Variants in NXNL2 observed in about 807,000 individuals in gnomAD.
The protein encoded by NXNL2 is nucleoredoxin-like protein 2.
Under a neutral mutation model 11.1 loss-of-function variants are expected in NXNL2, and 7 were observed. The ratio of observed to expected loss-of-function variants is 0.63; its 90% CI spans 0.36 to 1.18. The LOEUF is 1.18. Among genes scored for constraint, NXNL2 ranks in the 50% most tolerant of loss-of-function variants. The pLI is 0.02. For synonymous variants in NXNL2, 109 were observed against 101.8 expected (o/e 1.07, Z -0.42); for missense variants, 233 against 217.7 (o/e 1.07, Z -0.44).
At chr9:88,564,325 C>CT (rs79688283) in intron 1 of NXNL2, among the ~76,000 whole-genome samples, 34 of 147,042 alleles carry the variant, frequency 2.3e-4, no homozygotes, top group Admixed American at 1.0e-3. Context: ...ATCTATCTAT[C>CT]GTCTATTTAT....
intron 1 of NXNL2, among the ~76,000 whole-genome samples, chr9:88,537,015 G>A (rs1420192006): frequency 6.6e-6 from 1 of 152,242 alleles, no homozygotes; most frequent in East Asian, 1.9e-4. Context: ...TTGAAAGCGA[G>A]AGACGATGGC....
downstream of NXNL2, among the ~76,000 whole-genome samples, chr9:88,580,303 G>A (rs898875526): frequency 6.6e-6 from 1 of 151,934 alleles, no homozygotes; most frequent in Non-Finnish European, 1.5e-5. Flanking sequence ...ACAGGCACCA[G>A]CCACCAGGCC....
At chr9:88,546,569 C>T (rs1051949284), downstream of NXNL2, among the ~76,000 whole-genome samples, 2 of 151,898 alleles carry the variant, frequency 1.3e-5, no homozygotes, top group African/African-American at 4.8e-5. Context: ...GCGCCTGCCA[C>T]CAAGCCCGGC....
At position 88,544,441 on chromosome 9, in the gene NXNL2, G is replaced by A. The variant is rs1439972359; in HGVS notation, c.365G>A (p.Gly122Glu). ...AAGCTTGTGATTGTGAAACAAAATG[G>A]GGAGGTCATCACCAACAAAGGGCGG... ...IPKLVIVKQN[G>E]EVITNKGRKQ... Residue 122 changes from glycine (G) to glutamate (E), a missense_variant, in exon 2 of 2, where the codon GGG (glycine) becomes GAG (glutamate). By Grantham distance (98) the Gly-to-Glu change is moderately conservative. Coordinates refer to ENST00000375854, the MANE Select transcript of NXNL2 (RefSeq NM_001161625.2). 1.5e-5 allele frequency: 24 copies of A among 1,551,718 alleles called. No individual in the cohort carries two copies. The highest frequency in any genetic ancestry group is 2.0e-5 in the Admixed American group (1 of 50,980).
At chr9:88,560,650 T>A (rs773081421) in intron 1 of NXNL2, among the ~76,000 whole-genome samples, 10 of 152,096 alleles carry the variant, frequency 6.6e-5, no homozygotes, top group Non-Finnish European at 8.8e-5. Context: ...GCATTGTAAA[T>A]CCCTGCTATT....
At chr9:88,550,856 T>C (rs570596570) in intron 1 of NXNL2, among the ~76,000 whole-genome samples, 1 of 152,258 alleles carries the variant, frequency 6.6e-6, no homozygotes, top group Non-Finnish European at 1.5e-5. Context: ...TAAGGTGTAA[T>C]CTTTAGTTTC....
intron 1 of NXNL2, among the ~76,000 whole-genome samples, chr9:88,557,282 T>C (rs1237540334): frequency 1.3e-5 from 2 of 152,120 alleles, no homozygotes; most frequent in African/African-American, 4.8e-5. Context: ...CTGAACCTTT[T>C]GATTATTTTA....
chr9:88,547,128 A>G (rs1829856403), downstream of NXNL2, among the ~76,000 whole-genome samples: 1 of 152,218 alleles, frequency 6.6e-6, no homozygotes. Context: ...CTCCCTGGTG[A>G]GCCCCGTGGG....
chr9:88,559,526 C>A (rs371477504), intron 1 of NXNL2, among the ~76,000 whole-genome samples: 1 of 152,178 alleles, frequency 6.6e-6, no homozygotes, highest in Non-Finnish European at 1.5e-5. Flanking sequence ...CTACCAAGCA[C>A]GTTCACTTGC....
intron 1 of NXNL2, among the ~76,000 whole-genome samples, chr9:88,563,815 C>T (rs1830123147): frequency 6.6e-6 from 1 of 152,128 alleles, no homozygotes; most frequent in Non-Finnish European, 1.5e-5. Flanking sequence ...TCACTCTTTC[C>T]AATTGTTCAC....
intron 1 of NXNL2, among the ~76,000 whole-genome samples, chr9:88,541,109 T>A (rs975970829): frequency 7.0e-6 from 1 of 143,156 alleles, no homozygotes; most frequent in Admixed American, 7.1e-5. Flanking sequence ...CCACACCTGG[T>A]TATTTTTTTT....
At chr9:88,572,045 C>T (rs1047671075) in intron 2 of NXNL2, among the ~76,000 whole-genome samples, 1 of 152,140 alleles carries the variant, frequency 6.6e-6, no homozygotes, top group African/African-American at 2.4e-5. Context: ...GGAGCACGTG[C>T]CCAGAGAAGG....
chr9:88,576,974 G>A (rs1045189502), downstream of NXNL2, among the ~76,000 whole-genome samples: 2 of 152,012 alleles, frequency 1.3e-5, no homozygotes, highest in African/African-American at 4.8e-5. Context: ...AGGTAGGGGG[G>A]GTCCCAGCTC....
chr9:88,548,791 T>C (rs1263284005), downstream of NXNL2, among the ~76,000 whole-genome samples: 2 of 151,946 alleles, frequency 1.3e-5, no homozygotes, highest in Non-Finnish European at 2.9e-5. Flanking sequence ...GTATAATCCA[T>C]GTGTTGAAGT....
intron 1 of NXNL2, among the ~76,000 whole-genome samples, chr9:88,557,080 C>CAAAAAAAAAA (rs150400954): frequency 1.8e-5 from 1 of 55,604 alleles, no homozygotes; most frequent in Non-Finnish European, 4.5e-5. Flanking sequence ...GACTCCATCT[C>CAAAAAAAAAA]AAAAAAAAAA....
chr9:88,537,914 G>T (rs1829661973), intron 1 of NXNL2, among the ~76,000 whole-genome samples: 1 of 152,206 alleles, frequency 6.6e-6, no homozygotes, highest in Non-Finnish European at 1.5e-5. Flanking sequence ...CAACCCAGAA[G>T]TGTGGTTTAT....
chr9:88,537,043 T>C (rs1829637124), intron 1 of NXNL2, among the ~76,000 whole-genome samples: 1 of 152,180 alleles, frequency 6.6e-6, no homozygotes, highest in South Asian at 2.1e-4. Context: ...TTATAGTAAT[T>C]AGGCACAAAG....
chr9:88,572,385 C>T (rs926720018), intron 2 of NXNL2, among the ~76,000 whole-genome samples: 16 of 152,100 alleles, frequency 1.1e-4, no homozygotes, highest in Admixed American at 9.8e-4. Context: ...AGGAAACGGG[C>T]CTGAAATGGG....
At chr9:88,570,724 A>G (rs1044154287) in intron 1 of NXNL2, among the ~76,000 whole-genome samples, 1 of 152,198 alleles carries the variant, frequency 6.6e-6, no homozygotes, top group Non-Finnish European at 1.5e-5. Context: ...TTTAACAGGA[A>G]GAGCCCAATA....
Sources: gnomAD v4.1 joint callset for allele counts (sites outside exome capture counted in the v4.1 genomes callset) on GRCh38, gnomAD v4.1.1 for gene constraint, MANE v1.5 for transcripts, NCBI Gene and HGNC (gene_info 2026-07-23, HGNC 2026-07-21) for gene names.